OCIAD1: variants seen among roughly 807,000 people sequenced by gnomAD.
OCIAD1 encodes OCIA domain-containing protein 1.
In OCIAD1, 29 loss-of-function variants were observed where a neutral mutation model predicts 38.9. The observed-to-expected ratio is 0.74, with a 90% CI of 0.55 to 1.02. The LOEUF (loss-of-function observed/expected upper bound fraction) is 1.02, where lower values mean the gene tolerates loss of function less well. Ranked by LOEUF, OCIAD1 falls within the 50% of genes least tolerant of loss-of-function variation. The probability of loss-of-function intolerance (pLI) is 0.00; values close to 1 mark genes in which losing one functional copy is unlikely to be tolerated. For synonymous variants in OCIAD1, 110 were observed against 92.0 expected, an observed-to-expected ratio of 1.20 and a Z score of -1.12; for missense variants, 288 against 289.6, an observed-to-expected ratio of 0.99 and a Z score of 0.04.
In OCIAD1 at chr4:48,822,467, T is replaced by G. The variant is rs137859859; in HGVS notation, c.-102-8110T>G. ...TTAGAAGAAAACATAGGCAGTACCA[T>G]TCAGGACATAGGCATGGGCAAAGAC... On this transcript the variant is annotated intron_variant, in intron 1 of 6. Coordinates refer to the OCIAD1 transcript ENST00000504654. Among the ~76,000 whole-genome samples, 228 of 152,304 alleles carry G rather than the reference T, an allele frequency of 1.5e-3. 1 individual carries two copies. The highest frequency in any genetic ancestry group is 5.3e-3 in the African/African-American group (220 of 41,556).
In OCIAD1 at chr4:48,819,467, A is replaced by G. The variant is rs1215258818; in HGVS notation, c.-102-11110A>G. On this transcript the variant is annotated intron_variant, in intron 1 of 6. Coordinates refer to the OCIAD1 transcript ENST00000504654. ...ACAACCCAAAATATAAAGACCAATG[A>G]CACTATGAAGAAACTGCATCAATTA... is the stretch of plus-strand genomic sequence containing the variant. Among the ~76,000 whole-genome samples the G allele has an allele frequency of 2.6e-5, 4 of 152,264 alleles. No homozygotes were observed. In the East Asian group the frequency reaches 5.8e-4, roughly 22 times the overall value.
At chr4:48,850,220 C>A in intron 6 of OCIAD1, 138 bp downstream of exon 6, 1 of 850,126 alleles carries the variant, frequency 1.2e-6, no homozygotes, top group Non-Finnish European at 1.9e-6. Context: ...AAGTAATTTG[C>A]TTCAAAAATT....
chr4:48,852,592 A>G (rs1334067790), intron 7 of OCIAD1: 1 of 152,222 alleles, frequency 6.6e-6, no homozygotes, highest in Non-Finnish European at 1.5e-5. Context: ...TAATACTACT[A>G]CTACATTATA....
intron 1 of OCIAD1, among the ~76,000 whole-genome samples, chr4:48,811,759 A>G (rs1777090709): frequency 6.6e-6 from 1 of 152,258 alleles, no homozygotes; most frequent in African/African-American, 2.4e-5. Flanking sequence ...GAGAGAAAGA[A>G]GAGTCAAGGA....
chr4:48,809,151 T>C (rs1777060734), intron 1 of OCIAD1, among the ~76,000 whole-genome samples: 1 of 152,274 alleles, frequency 6.6e-6, no homozygotes, highest in South Asian at 2.1e-4. Flanking sequence ...CATAGTGATT[T>C]TTCTACAATT....
intron 3 of OCIAD1, among the ~76,000 whole-genome samples, chr4:48,841,030 G>C (rs1354559273): frequency 6.6e-6 from 1 of 151,890 alleles, no homozygotes; most frequent in East Asian, 1.9e-4. Context: ...CATAAAATAA[G>C]ATAAAATGGT....
At position 48,812,681 on chromosome 4, in the gene OCIAD1, G is replaced by C. The variant is rs560147427; in HGVS notation, c.-103+7351G>C. On this transcript the variant is annotated intron_variant, in intron 1 of 6. Coordinates refer to the OCIAD1 transcript ENST00000504654. Reference sequence around the variant, plus strand: ...ACAAGGACATTTGCTTAGGGTAAAAGTGTTTGGAGTGAGCCCAAGAGAGAC... The same window carrying C: ...ACAAGGACATTTGCTTAGGGTAAAACTGTTTGGAGTGAGCCCAAGAGAGAC... Among the ~76,000 whole-genome samples, 5 of 152,326 alleles carry C rather than the reference G, an allele frequency of 3.3e-5. No homozygotes were observed. In the South Asian group the frequency reaches 1.0e-3, roughly 32 times the overall value.
chr4:48,846,324 C>A (rs1245518791), intron 4 of OCIAD1, among the ~76,000 whole-genome samples: 1 of 152,214 alleles, frequency 6.6e-6, no homozygotes, highest in Non-Finnish European at 1.5e-5. Flanking sequence ...AAATCATACA[C>A]TGAAATATTC....
chr4:48,825,338 A>G (rs1777238715), intron 1 of OCIAD1, among the ~76,000 whole-genome samples: 1 of 152,090 alleles, frequency 6.6e-6, no homozygotes, highest in South Asian at 2.1e-4. Flanking sequence ...GGTATCTAAC[A>G]CATGAATCCA....
Position 48,852,291 on chromosome 4 carries a change from G to T in OCIAD1, c.547+316G>T, listed in dbSNP as rs1302449805. 4.2e-5 allele frequency: 9 copies of T among 211,950 alleles called. No homozygotes were observed. The East Asian group carries it at 9.4e-4, about 22-fold the overall frequency. 13.1% of individuals were successfully genotyped at this position (211,950 alleles called of 1,614,324 possible). A position where few individuals can be genotyped will look rare whatever the true frequency, so the allele number is the denominator to read the frequency against. On this transcript the variant is annotated intron_variant, in intron 7 of 8. Coordinates refer to ENST00000264312, the MANE Select transcript of OCIAD1 (RefSeq NM_017830.4). The stretch of plus-strand genomic sequence containing the variant: ...TGTCCCAGTAATTGAAAATACTAAG[G>T]CAAGCTTAGTGGAATAGTGAAGAAG...
At chr4:48,855,806 ACT>A in intron 7 of OCIAD1, among the ~76,000 whole-genome samples, 1 of 148,898 alleles carries the variant, frequency 6.7e-6, no homozygotes, top group South Asian at 2.1e-4. Flanking sequence ...ACAGAGTGAG[ACT>A]CTGTCTCAAA....
Position 48,861,311 on chromosome 4 carries a change from C to G in OCIAD1, c.*549C>G, listed in dbSNP as rs570963305. 2 of 152,256 alleles carry G rather than the reference C, an allele frequency of 1.3e-5. No homozygotes were observed. The highest frequency in any genetic ancestry group is 4.1e-4 in the South Asian group (2 of 4,826). The allele number at this position is 152,256 out of a possible 1,614,324, so 9.4% of individuals were successfully genotyped here. A position where few individuals can be genotyped will look rare whatever the true frequency, so the allele number is the denominator to read the frequency against. ...TGTAATTTATTGATTTATTTTTAAG[C>G]TAGTTATAATCATGTAGGTATAGGA... On this transcript the variant is annotated 3_prime_UTR_variant, in exon 9 of 9. Transcript: ENST00000264312.
intron 1 of OCIAD1, among the ~76,000 whole-genome samples, chr4:48,807,103 C>T (rs1276659425): frequency 3.3e-5 from 5 of 152,006 alleles, no homozygotes; most frequent in East Asian, 1.9e-4. Flanking sequence ...GACAGAGTCT[C>T]GATATGTTAC....
intron 4 of OCIAD1, among the ~76,000 whole-genome samples, chr4:48,843,949 C>A (rs891530367): frequency 1.3e-4 from 20 of 152,102 alleles, no homozygotes; most frequent in African/African-American, 4.6e-4. Context: ...TATGTTGAAG[C>A]AAATAGAAAA....
intron 7 of OCIAD1, 38 bp downstream of exon 7, chr4:48,852,013 G>T (rs1779525883): frequency 6.6e-7 from 1 of 1,516,220 alleles, no homozygotes; most frequent in African/African-American, 1.4e-5. Flanking sequence ...AACATTTTAT[G>T]GTCCAACGTA....
At chr4:48,836,652 C>T (rs1229193228) in intron 3 of OCIAD1, among the ~76,000 whole-genome samples, 1 of 152,044 alleles carries the variant, frequency 6.6e-6, no homozygotes, top group East Asian at 1.9e-4. Flanking sequence ...TGGATAGTAC[C>T]CATGGATAAG....
At chr4:48,842,926 C>T (rs1265996924) in intron 4 of OCIAD1, among the ~76,000 whole-genome samples, 1 of 152,092 alleles carries the variant, frequency 6.6e-6, no homozygotes, top group African/African-American at 2.4e-5. Flanking sequence ...AAGAAGGTAA[C>T]TAAACACCAG....
intron 3 of OCIAD1, chr4:48,837,012 C>T (rs1778048252): frequency 6.6e-6 from 1 of 152,212 alleles, no homozygotes; most frequent in African/African-American, 2.4e-5. Flanking sequence ...CGCTCTATCC[C>T]CCAGGCTGGA....
intron 3 of OCIAD1, among the ~76,000 whole-genome samples, chr4:48,837,667 C>A (rs936030602): frequency 3.7e-5 from 4 of 107,716 alleles, no homozygotes; most frequent in Admixed American, 1.0e-4. Context: ...TTTTTTAAAT[C>A]TTTGAAGATT....
Sources: gnomAD v4.1 joint callset for allele counts (sites outside exome capture counted in the v4.1 genomes callset) on GRCh38, gnomAD v4.1.1 for gene constraint, MANE v1.5 for transcripts, NCBI Gene and HGNC (gene_info 2026-07-23, HGNC 2026-07-21) for gene names.